The following BTNL3 variants were observed in gnomAD, a reference collection of about 807,000 sequenced individuals.
BTNL3 encodes butyrophilin-like protein 3.
A neutral mutation model predicts 40.1 loss-of-function variants in BTNL3; 20 were observed. That is an observed-to-expected ratio of 0.50 (90% CI 0.35 to 0.72). The LOEUF is 0.72. Among genes scored for constraint, BTNL3 ranks in the 30% least tolerant of loss-of-function variants. BTNL3 has a pLI of 0.01. For synonymous variants in BTNL3, 179 were observed against 222.1 expected, an observed-to-expected ratio of 0.81 and a Z score of 1.73; for missense variants, 449 against 582.2, an observed-to-expected ratio of 0.77 and a Z score of 2.35.
chr5:180,998,901 C>T (rs980610242), intron 3 of BTNL3, among the ~76,000 whole-genome samples: 3 of 136,974 alleles, frequency 2.2e-5, no homozygotes, highest in African/African-American at 5.0e-5. Context: ...CCAAGACAGG[C>T]GGATCACCTG....
Position 181,004,770 on chromosome 5 carries a change from C to A in BTNL3, c.862+8C>A. 1 of 1,613,478 alleles carries A rather than the reference C, an allele frequency of 6.2e-7. No individual in the cohort carries two copies. The highest frequency in any genetic ancestry group is 8.5e-7 in the Non-Finnish European group (1 of 1,180,034). ...ACGCCCGGAAACACGCAGGTACCAA[C>A]GCCTGAGAGGGTAACAGTGGGCATG... On this transcript the variant is annotated splice_region_variant and intron_variant, in intron 7 of 7. Transcript: ENST00000342868.
rs746752962 is a variant in BTNL3 at position 180,993,286 on chromosome 5, G to A, written c.397+126G>A. On this transcript the variant is annotated intron_variant, in intron 2 of 7. Coordinates refer to ENST00000342868, the MANE Select transcript of BTNL3 (RefSeq NM_197975.3). Reference sequence around the variant, plus strand: ...TTCTGACATGATGTAAAAAGGCTTCGGTGGGGATCACTGACCTGAGGTTTC... The same window carrying A: ...TTCTGACATGATGTAAAAAGGCTTCAGTGGGGATCACTGACCTGAGGTTTC... The A allele has an allele frequency of 5.6e-5, 71 of 1,276,404 alleles. 18 individuals carry two copies. Among genetic ancestry groups the A allele is most frequent in the East Asian group, 8.4e-5 (3 of 35,580 alleles). The allele number at this position is 1,276,404 out of a possible 1,614,324, so 79.1% of individuals were successfully genotyped here. A position where few individuals can be genotyped will look rare whatever the true frequency, so the allele number is the denominator to read the frequency against.
intron 3 of BTNL3, among the ~76,000 whole-genome samples, chr5:181,001,702 A>G (rs1164308369): frequency 7.5e-6 from 1 of 133,616 alleles, no homozygotes; most frequent in Non-Finnish European, 1.7e-5. Context: ...AAAATTAGCT[A>G]GGCGTGGTGG....
Position 181,005,558 on chromosome 5 carries a change from G to C in BTNL3, c.1087G>C (p.Asp363His). Residue 363 changes from aspartate (D) to histidine (H), a missense_variant, in exon 8 of 8, where the codon GAC (aspartate) becomes CAC (histidine). Asp to His is a moderately conservative substitution (Grantham distance 81). Transcript: ENST00000342868. ...WYVGVCRDDV[D>H]RGKNNVTLSP... ...TGTGGGAGTGTGTCGGGATGACGTA[G>C]ACAGGGGGAAGAACAATGTGACTTT... 6.2e-7 allele frequency: 1 copy of C among 1,614,080 alleles called. No individual in the cohort carries two copies. The highest frequency in any genetic ancestry group is 8.5e-7 in the Non-Finnish European group (1 of 1,180,012).
chr5:181,003,810 T>C (rs773872274), intron 4 of BTNL3, 46 bp from the exon 5 acceptor site: 5 of 1,614,098 alleles, frequency 3.1e-6, no homozygotes, highest in Non-Finnish European at 4.2e-6. Flanking sequence ...TGTTTGTACC[T>C]TGCACACTCC....
chr5:181,006,044 C>T lies in BTNL3; in HGVS notation c.*172C>T, dbSNP rs34645360. On this transcript the variant is annotated 3_prime_UTR_variant, in exon 8 of 8. Coordinates refer to ENST00000342868, the MANE Select transcript of BTNL3 (RefSeq NM_197975.3). ...TCTTCTGCCCTGAGCCCTGCAGCAGCGGCAGTCACAGCTTCCAGATGAGGG... is the reference window on the plus strand; with the variant it reads ...TCTTCTGCCCTGAGCCCTGCAGCAGTGGCAGTCACAGCTTCCAGATGAGGG... 0.037 allele frequency: 25,858 copies of T among 705,156 alleles called. 692 individuals carry two copies. The highest frequency in any genetic ancestry group is 0.053 in the Middle Eastern group (129 of 2,450). The allele number at this position is 705,156 out of a possible 1,614,324, so 43.7% of individuals were successfully genotyped here.
rs1456555154 is a variant in BTNL3 at position 180,994,358 on chromosome 5, T to C, written c.397+1198T>C. On this transcript the variant is annotated intron_variant, in intron 2 of 7. Coordinates refer to ENST00000342868, the MANE Select transcript of BTNL3 (RefSeq NM_197975.3). ...TTGTGAATAATGGTTTTGCCAGATA[T>C]AGAATTTCTGAGTTTCTTGATGGTT... Among the ~76,000 whole-genome samples the C allele has an allele frequency of 2.2e-5, 3 of 137,506 alleles. 1 individual carries two copies. Among genetic ancestry groups the C allele is most frequent in the South Asian group, 2.1e-4 (1 of 4,662 alleles). The allele number at this position is 137,506 out of a possible 152,430, so 90.2% of individuals were successfully genotyped here.
Position 181,002,791 on chromosome 5 carries a change from T to A in BTNL3, c.787+6T>A. ...TGTTTTCTTCAAATCCAAAGGTAAGTGAGAGAGAGAAGCATGGGCCCATAC... is the reference window on the plus strand; with the variant it reads ...TGTTTTCTTCAAATCCAAAGGTAAGAGAGAGAGAGAAGCATGGGCCCATAC... On this transcript the variant is annotated splice_donor_region_variant and intron_variant, in intron 4 of 7. Coordinates refer to ENST00000342868, the MANE Select transcript of BTNL3 (RefSeq NM_197975.3). 1 of 1,447,300 alleles carries A rather than the reference T, an allele frequency of 6.9e-7. No individual in the cohort carries two copies. The highest frequency in any genetic ancestry group is 9.5e-7 in the Non-Finnish European group (1 of 1,048,886). The allele number at this position is 1,447,300 out of a possible 1,614,324, so 89.7% of individuals were successfully genotyped here.
chr5:181,002,857 C>A, intron 4 of BTNL3, 72 bp downstream of exon 4: 1 of 1,398,378 alleles, frequency 7.2e-7, no homozygotes, highest in South Asian at 1.1e-5. Flanking sequence ...AGGCTGCCCT[C>A]ACACACCTCT....
Position 181,001,986 on chromosome 5 carries a change from CAG to C in BTNL3, c.674-683_674-682del, listed in dbSNP as rs775620887. On this transcript the variant is annotated intron_variant, in intron 3 of 7. Coordinates refer to ENST00000342868, the MANE Select transcript of BTNL3 (RefSeq NM_197975.3). Reference sequence around the variant, plus strand: ...TAGGCATGAGCCACTGCACCTGGCCCAGAGTTTTCTTAAAGCCTAACAAGTCA... The same window carrying C: ...TAGGCATGAGCCACTGCACCTGGCCCAGTTTTCTTAAAGCCTAACAAGTCA... 3.6e-4 allele frequency among the ~76,000 whole-genome samples: 49 copies of C among 135,234 alleles called. 13 individuals carry two copies. The highest frequency in any genetic ancestry group is 7.1e-4 in the Admixed American group (9 of 12,734). 88.7% of individuals were successfully genotyped at this position (135,234 alleles called of 152,430 possible).
chr5:181,005,546 C>A lies in BTNL3; in HGVS notation c.1075C>A (p.Arg359=). Residue 359 remains arginine (R), a synonymous_variant, in exon 8 of 8, where the codon CGG becomes AGG. Transcript: ENST00000342868. ...TGTAGGGTGGTATGTGGGAGTGTGT[C>A]GGGATGACGTAGACAGGGGGAAGAA... ...QNVGWYVGVC[R]DDVDRGKNNV... is the part of the protein sequence containing the mutation. 6.2e-7 allele frequency: 1 copy of A among 1,613,956 alleles called. No homozygotes were observed. Among genetic ancestry groups the A allele is most frequent in the Non-Finnish European group, 8.5e-7 (1 of 1,179,994 alleles).
At chr5:180,997,078 A>ATGTG in intron 2 of BTNL3, 135 bp from the exon 3 acceptor site, 1 of 1,184,494 alleles carries the variant, frequency 8.4e-7, no homozygotes, top group Non-Finnish European at 1.2e-6. Context: ...AGAGAAAAGG[A>ATGTG]TGTGTGTGTG....
intron 7 of BTNL3, 64 bp from the exon 8 acceptor site, chr5:181,005,270 C>A: frequency 5.6e-6 from 9 of 1,595,546 alleles, no homozygotes; most frequent in Non-Finnish European, 7.7e-6. Flanking sequence ...GGGTCGACCT[C>A]TTGCTCCAGC....
rs1381193379 is a variant in BTNL3 at position 180,990,930 on chromosome 5, G to T, written c.49+1853G>T. Among the ~76,000 whole-genome samples, 3 of 137,394 alleles carry T rather than the reference G, an allele frequency of 2.2e-5. 1 individual carries two copies. The highest frequency in any genetic ancestry group is 7.5e-5 in the African/African-American group (3 of 39,906). The allele number at this position is 137,394 out of a possible 152,430, so 90.1% of individuals were successfully genotyped here. ...GCTCAGGATCTTCCCAACATCCACT[G>T]CTTCCTGTTCCCCACTGGGTGAGAT... On this transcript the variant is annotated intron_variant, in intron 1 of 7. Transcript: ENST00000342868.
chr5:181,002,044 C>T (rs1477029111), intron 3 of BTNL3, among the ~76,000 whole-genome samples: 1 of 134,568 alleles, frequency 7.4e-6, no homozygotes, highest in Non-Finnish European at 1.7e-5. Context: ...AAACAAATAG[C>T]CAAGAATTGC....
intron 4 of BTNL3, 131 bp from the exon 5 acceptor site, chr5:181,003,725 A>T: frequency 7.3e-6 from 11 of 1,506,278 alleles, no homozygotes; most frequent in Non-Finnish European, 9.1e-6. Flanking sequence ...GGAGACGAGC[A>T]CATATAAGTG....
In BTNL3 at chr5:180,997,475, G is replaced by A. The variant is rs754307574; in HGVS notation, c.660G>A (p.Lys220=). 6.8e-7 allele frequency: 1 copy of A among 1,463,620 alleles called. No homozygotes were observed. The highest frequency in any genetic ancestry group is 2.4e-5 in the East Asian group (1 of 41,008). The allele number at this position is 1,463,620 out of a possible 1,614,324, so 90.7% of individuals were successfully genotyped here. A position where few individuals can be genotyped will look rare whatever the true frequency, so the allele number is the denominator to read the frequency against. ...LAEQSHEVES[K]VLIGETFFQP... is the part of the protein sequence containing the mutation. Reference sequence around the variant, plus strand: ...AGCAGAGTCATGAGGTGGAATCCAAGGTATTGATAGGAGGTGAGTGGGGAG... The same window carrying A: ...AGCAGAGTCATGAGGTGGAATCCAAAGTATTGATAGGAGGTGAGTGGGGAG... Residue 220 remains lysine, a synonymous_variant, in exon 3 of 8, where the codon AAG becomes AAA. Coordinates refer to ENST00000342868, the MANE Select transcript of BTNL3 (RefSeq NM_197975.3).
Position 181,001,282 on chromosome 5 carries a change from T to C in BTNL3, c.674-1390T>C, listed in dbSNP as rs138963336. Among the ~76,000 whole-genome samples, 273 of 136,266 alleles carry C rather than the reference T, an allele frequency of 2.0e-3. 50 individuals carry two copies. The highest frequency in any genetic ancestry group is 2.9e-3 in the African/African-American group (117 of 39,708). 89.4% of individuals were successfully genotyped at this position (136,266 alleles called of 152,430 possible). A position where few individuals can be genotyped will look rare whatever the true frequency, so the allele number is the denominator to read the frequency against. ...GCTGTACAGATTCAATACAATTCCA[T>C]AGAAAAATCTCAGCACATTTTTTGG... On this transcript the variant is annotated intron_variant, in intron 3 of 7. Transcript: ENST00000342868.
At chr5:181,001,706 G>A (rs1379907480) in intron 3 of BTNL3, among the ~76,000 whole-genome samples, 1 of 133,882 alleles carries the variant, frequency 7.5e-6, no homozygotes, top group Admixed American at 8.0e-5. Flanking sequence ...TTAGCTAGGC[G>A]TGGTGGCGGG....
Sources: gnomAD v4.1 joint callset for allele counts (sites outside exome capture counted in the v4.1 genomes callset) on GRCh38, gnomAD v4.1.1 for gene constraint, MANE v1.5 for transcripts, NCBI Gene and HGNC (gene_info 2026-07-23, HGNC 2026-07-21) for gene names.